EFCAB3: variants seen among roughly 807,000 people sequenced by gnomAD.
EFCAB3 encodes EF-hand calcium-binding domain-containing protein 3.
In EFCAB3, 36 loss-of-function variants were observed where a neutral mutation model predicts 42.2. The ratio of observed to expected loss-of-function variants is 0.85; its 90% CI spans 0.65 to 1.13. EFCAB3 has a LOEUF of 1.13. EFCAB3 is among the 50% of genes most tolerant of loss of function. EFCAB3 has a pLI of 0.00. For missense variants in EFCAB3, 418 were observed against 505.1 expected (o/e 0.83, Z 1.65); for synonymous variants, 170 against 172.8 (o/e 0.98, Z 0.13).
chr17:62,378,079 T>G (rs2070164472), upstream of EFCAB3: 18 of 1,344,128 alleles, frequency 1.3e-5, no homozygotes, highest in Non-Finnish European at 1.6e-5. Context: ...TTGACTTACA[T>G]TTTTTAATAC....
At chr17:62,372,523 C>A (rs745132) in intron 1 of EFCAB3, among the ~76,000 whole-genome samples, 91,804 of 151,750 alleles carry the variant, frequency 0.6, 29,627 homozygotes, top group Admixed American at 0.75. Flanking sequence ...TTCAAGTGAT[C>A]TGCCTGCCTC....
chr17:62,371,051 C>T (rs865939031), intron 1 of EFCAB3, among the ~76,000 whole-genome samples: 1 of 151,522 alleles, frequency 6.6e-6, no homozygotes, highest in Non-Finnish European at 1.5e-5. Flanking sequence ...ATGATTGCAC[C>T]GCTGCATTCC....
Position 62,370,585 on chromosome 17 carries a change from G to T in EFCAB3, c.34+263G>T, listed in dbSNP as rs557302775. ...GCAAGAGAATCGCTTGAACCCAGGA[G>T]GGGGAGGTTGCAGTGAGCTGAGATT... On this transcript the variant is annotated intron_variant, in intron 1 of 11. Coordinates refer to the EFCAB3 transcript ENST00000450662. 1.5e-4 allele frequency among the ~76,000 whole-genome samples: 23 copies of T among 152,132 alleles called. 1 individual carries two copies. The South Asian group carries it at 4.6e-3, about 30-fold the overall frequency.
At chr17:62,405,429 C>A (rs2070439404) in intron 6 of EFCAB3, among the ~76,000 whole-genome samples, 1 of 152,214 alleles carries the variant, frequency 6.6e-6, no homozygotes, top group Non-Finnish European at 1.5e-5. Flanking sequence ...ATTGCTGTAA[C>A]AGCAAGAAAT....
In EFCAB3 at chr17:62,380,574, T is replaced by C. The variant is rs1350685676; in HGVS notation, c.-57T>C. ...ACCCTTTATTGGATTCCTGATCTGA[T>C]TGAAGCCCAGAAGTGGTAGGTAGCA... On this transcript the variant is annotated 5_prime_UTR_variant, in exon 1 of 10. Coordinates refer to ENST00000305286, the MANE Select transcript of EFCAB3 (RefSeq NM_173503.4). 3.9e-5 allele frequency: 38 copies of C among 985,334 alleles called. No individual in the cohort carries two copies. Among genetic ancestry groups the C allele is most frequent in the East Asian group, 1.1e-4 (1 of 8,832 alleles). 61.0% of individuals were successfully genotyped at this position (985,334 alleles called of 1,614,324 possible). A position where few individuals can be genotyped will look rare whatever the true frequency, so the allele number is the denominator to read the frequency against.
intron 6 of EFCAB3, among the ~76,000 whole-genome samples, chr17:62,399,243 C>A (rs1351544606): frequency 6.6e-6 from 1 of 151,368 alleles, no homozygotes; most frequent in African/African-American, 2.4e-5. Context: ...TGATGGTTCA[C>A]TGAAGCCTCA....
chr17:62,393,726 C>G, intron 5 of EFCAB3, 82 bp downstream of exon 5: 19 of 1,245,622 alleles, frequency 1.5e-5, no homozygotes, highest in Non-Finnish European at 2.1e-5. Context: ...GGCTTCCAGT[C>G]GGGAGACAGG....
chr17:62,378,405 A>G (rs2070167129), upstream of EFCAB3, among the ~76,000 whole-genome samples: 1 of 152,184 alleles, frequency 6.6e-6, no homozygotes, highest in Non-Finnish European at 1.5e-5. Context: ...CAGTAAAATA[A>G]AATGGGTGAG....
chr17:62,377,837 C>T, upstream of EFCAB3: 1 of 701,518 alleles, frequency 1.4e-6, no homozygotes, highest in Non-Finnish European at 2.3e-6. Context: ...ATGGATATCC[C>T]ATATAACCTT....
chr17:62,392,879 C>T (rs899816932), intron 4 of EFCAB3, among the ~76,000 whole-genome samples: 8 of 152,100 alleles, frequency 5.3e-5, no homozygotes, highest in Admixed American at 1.3e-4. Flanking sequence ...CTTCGTGATC[C>T]GCCCGCCTCG....
chr17:62,407,341 G>A, intron 8 of EFCAB3, 129 bp downstream of exon 8: 1 of 795,174 alleles, frequency 1.3e-6, no homozygotes, highest in Non-Finnish European at 1.8e-6. Context: ...CCATAACCAT[G>A]TTCCTAAATT....
intron 3 of EFCAB3, among the ~76,000 whole-genome samples, chr17:62,390,032 C>T (rs1212056674): frequency 5.3e-5 from 8 of 152,030 alleles, no homozygotes; most frequent in African/African-American, 1.9e-4. Context: ...GTGATCCACC[C>T]ACCTTGGCCT....
At chr17:62,375,404 T>C (rs1434981295) in intron 2 of EFCAB3, among the ~76,000 whole-genome samples, 1 of 152,208 alleles carries the variant, frequency 6.6e-6, no homozygotes, top group Non-Finnish European at 1.5e-5. Context: ...TTGGAGATAC[T>C]GGAAACCATC....
Position 62,416,119 on chromosome 17 carries a change from G to A in EFCAB3, c.1107G>A (p.Glu369=), listed in dbSNP as rs1386984106. The A allele has an allele frequency of 6.2e-7, 1 of 1,614,000 alleles. No homozygotes were observed. Among genetic ancestry groups the A allele is most frequent in the Non-Finnish European group, 8.5e-7 (1 of 1,179,876 alleles). ...TGATTGGGATGGACTCTAGAAATGA[G>A]TCCTTTTATGACACCTTTTCTACTT... The part of the protein sequence containing the change: ...GDLIGMDSRN[E]SFYDTFSTYT... Residue 369 remains glutamate (E), a synonymous_variant, in exon 10 of 10, where the codon GAG becomes GAA. Coordinates refer to ENST00000305286, the MANE Select transcript of EFCAB3 (RefSeq NM_173503.4).
At chr17:62,407,262 C>CTAACT in intron 8 of EFCAB3, 50 bp downstream of exon 8, 1 of 1,433,680 alleles carries the variant, frequency 7.0e-7, no homozygotes, top group South Asian at 1.6e-5. Flanking sequence ...TTTTTAAGCA[C>CTAACT]TAACTTAACA....
rs2070188148 is a variant in EFCAB3, at chr17:62,380,631, G to T, written c.-18+18G>T. 3.1e-6 allele frequency: 3 copies of T among 981,356 alleles called. No homozygotes were observed. The highest frequency in any genetic ancestry group is 6.2e-5 in the Admixed American group (1 of 16,242). The allele number at this position is 981,356 out of a possible 1,614,324, so 60.8% of individuals were successfully genotyped here. ...AAAAGTAGGTAAATATCGTGATTTT[G>T]TAGGATTCTATGCTAAGTCCTTTTT... is the stretch of plus-strand genomic sequence containing the variant. On this transcript the variant is annotated intron_variant, in intron 1 of 9. Transcript: ENST00000305286.
intron 6 of EFCAB3, among the ~76,000 whole-genome samples, chr17:62,401,240 C>A (rs1020256039): frequency 3.9e-5 from 6 of 152,130 alleles, no homozygotes; most frequent in African/African-American, 1.4e-4. Flanking sequence ...CTGTAGGTTG[C>A]CTGTTCACTC....
At chr17:62,389,797 G>C (rs991220174) in intron 3 of EFCAB3, among the ~76,000 whole-genome samples, 1 of 146,294 alleles carries the variant, frequency 6.8e-6, no homozygotes, top group Non-Finnish European at 1.5e-5. Flanking sequence ...AGAAATAAAT[G>C]ACTAATTATT....
intron 8 of EFCAB3, among the ~76,000 whole-genome samples, chr17:62,407,846 A>T (rs2070461795): frequency 1.3e-5 from 2 of 152,214 alleles, no homozygotes; most frequent in East Asian, 3.8e-4. Context: ...TGGAAACTTA[A>T]CTGGAGGCCA....
Sources: gnomAD v4.1 joint callset for allele counts (sites outside exome capture counted in the v4.1 genomes callset) on GRCh38, gnomAD v4.1.1 for gene constraint, MANE v1.5 for transcripts, NCBI Gene and HGNC (gene_info 2026-07-23, HGNC 2026-07-21) for gene names.